ACVR1: variants seen among roughly 807,000 people sequenced by gnomAD.
The protein encoded by ACVR1 is activin A receptor type 1, also known as activin receptor type-1.
In ACVR1, 38 loss-of-function variants were observed where a neutral mutation model predicts 57.1. The observed-to-expected ratio is 0.67, with a 90% confidence interval of 0.51 to 0.87. The LOEUF is 0.87. ACVR1 is among the 40% of genes least tolerant of loss of function. The probability of loss-of-function intolerance (pLI) is 0.00; values close to 1 mark genes in which losing one functional copy is unlikely to be tolerated. For synonymous variants in ACVR1, 212 were observed against 228.1 expected, an observed-to-expected ratio of 0.93 and a Z score of 0.63; for missense variants, 463 against 638.2, an observed-to-expected ratio of 0.73 and a Z score of 2.96.
rs1316147198 is a variant in ACVR1 at position 157,863,822 on chromosome 2, T to C, written c.-183+11974A>G. On this transcript the variant is annotated intron_variant, in intron 1 of 10. Coordinates refer to ENST00000434821, the MANE Select transcript of ACVR1 (RefSeq NM_001111067.4). ...TTAACAACCCAAATTCCAAGTCTTTTAACTTGGAATCCAAATACATTGCTT... is the reference window on the plus strand; with the variant it reads ...TTAACAACCCAAATTCCAAGTCTTTCAACTTGGAATCCAAATACATTGCTT... Among the ~76,000 whole-genome samples the C allele has an allele frequency of 2.0e-5, 3 of 152,178 alleles. No homozygotes were observed. The South Asian group carries it at 6.2e-4, about 32-fold the overall frequency.
intron 1 of ACVR1, among the ~76,000 whole-genome samples, chr2:157,868,504 G>C (rs1690017423): frequency 6.6e-6 from 1 of 150,524 alleles, no homozygotes; most frequent in East Asian, 1.9e-4. Flanking sequence ...AAAAAAATCT[G>C]CAACTATCTT....
intron 9 of ACVR1, among the ~76,000 whole-genome samples, chr2:157,758,452 A>C (rs537297262): frequency 6.6e-6 from 1 of 152,172 alleles, no homozygotes; most frequent in South Asian, 2.1e-4. Flanking sequence ...CATGCAGTTC[A>C]CACCTGTGAT....
intron 2 of ACVR1, among the ~76,000 whole-genome samples, chr2:157,811,296 G>A (rs534832749): frequency 7.2e-5 from 11 of 152,168 alleles, no homozygotes; most frequent in South Asian, 2.1e-4. Context: ...TCTTAGACTC[G>A]GGAACCACTG....
chr2:157,742,293 A>G (rs1684804298), intron 9 of ACVR1, among the ~76,000 whole-genome samples: 1 of 152,220 alleles, frequency 6.6e-6, no homozygotes, highest in Non-Finnish European at 1.5e-5. Context: ...AATTCAGGCA[A>G]GTAACTAAAA....
intron 1 of ACVR1, among the ~76,000 whole-genome samples, chr2:157,835,100 G>C (rs189892612): frequency 6.6e-6 from 1 of 152,252 alleles, no homozygotes; most frequent in Non-Finnish European, 1.5e-5. Context: ...GACTAAAAAT[G>C]CAACTAAAAC....
At position 157,847,552 on chromosome 2, in the gene ACVR1, C is replaced by G. The variant is rs10172332; in HGVS notation, c.-183+28244G>C. ...ATTTTCTATTTAACCACTGTTAAGT[C>G]CCAACCCATCTGGGTGTCAGATGTG... On this transcript the variant is annotated intron_variant, in intron 1 of 10. Coordinates refer to ENST00000434821, the MANE Select transcript of ACVR1 (RefSeq NM_001111067.4). 6.1e-3 allele frequency among the ~76,000 whole-genome samples: 924 copies of G among 152,216 alleles called. 10 individuals carry two copies. Among genetic ancestry groups the G allele is most frequent in the African/African-American group, 0.021 (867 of 41,528 alleles).
chr2:157,818,252 T>C (rs371363654), intron 2 of ACVR1, 133 bp downstream of exon 2: 1 of 152,222 alleles, frequency 6.6e-6, no homozygotes, highest in Non-Finnish European at 1.5e-5. Context: ...AATAATCATT[T>C]GTGGCAAAGA....
chr2:157,803,964 A>T (rs951337155), intron 2 of ACVR1, among the ~76,000 whole-genome samples: 4 of 152,118 alleles, frequency 2.6e-5, no homozygotes, highest in Admixed American at 6.6e-5. Flanking sequence ...ATGTTATGAG[A>T]AAAGTGGCAT....
chr2:157,737,715 G>A (rs1176264031), intron 10 of ACVR1, 50 bp from the exon 11 acceptor site: 1 of 1,612,132 alleles, frequency 6.2e-7, no homozygotes, highest in South Asian at 1.1e-5. Context: ...CTTTTTAATG[G>A]CCCTGGAAGC....
At chr2:157,756,007 C>T (rs1422905118) in intron 9 of ACVR1, among the ~76,000 whole-genome samples, 1 of 151,722 alleles carries the variant, frequency 6.6e-6, no homozygotes, top group African/African-American at 2.4e-5. Context: ...CAGAAATAAA[C>T]CCAAATACTT....
At chr2:157,857,255 G>A (rs887450948) in intron 1 of ACVR1, among the ~76,000 whole-genome samples, 1 of 152,036 alleles carries the variant, frequency 6.6e-6, no homozygotes, top group African/African-American at 2.4e-5. Context: ...GGGACTCTGT[G>A]ATACAAAGGT....
intron 2 of ACVR1, among the ~76,000 whole-genome samples, chr2:157,810,424 A>C (rs1687711438): frequency 6.6e-6 from 1 of 152,174 alleles, no homozygotes; most frequent in Non-Finnish European, 1.5e-5. Context: ...CTTCTTTCTC[A>C]AGGATGGGCC....
chr2:157,785,688 AGTT>A (rs1456344765), intron 3 of ACVR1, among the ~76,000 whole-genome samples: 2 of 152,180 alleles, frequency 1.3e-5, no homozygotes, highest in African/African-American at 4.8e-5. Flanking sequence ...ACTGACACCT[AGTT>A]GTTGTAAAGC....
chr2:157,770,541 C>A, intron 6 of ACVR1, 27 bp from the exon 7 acceptor site: 1 of 1,613,750 alleles, frequency 6.2e-7, no homozygotes, highest in Non-Finnish European at 8.5e-7. Flanking sequence ...ATAGGTGACA[C>A]AGAACAGTAG....
In ACVR1 at chr2:157,736,611, A is replaced by G. The variant is rs1684541485; in HGVS notation, c.*920T>C. ...AGCGTTCAGGACTAAAATTCTACTG[A>G]AATCTTTGCTTCTAAATCAGTAATA... On this transcript the variant is annotated 3_prime_UTR_variant, in exon 11 of 11. Coordinates refer to ENST00000434821, the MANE Select transcript of ACVR1 (RefSeq NM_001111067.4). 6.5e-6 allele frequency: 2 copies of G among 309,396 alleles called. No homozygotes were observed. The highest frequency in any genetic ancestry group is 4.3e-5 in the African/African-American group (2 of 46,976). The allele number at this position is 309,396 out of a possible 1,614,324, so 19.2% of individuals were successfully genotyped here. A position where few individuals can be genotyped will look rare whatever the true frequency, so the allele number is the denominator to read the frequency against.
At chr2:157,760,601 T>G (rs1185937809) in intron 9 of ACVR1, among the ~76,000 whole-genome samples, 2 of 152,132 alleles carry the variant, frequency 1.3e-5, no homozygotes, top group Non-Finnish European at 2.9e-5. Flanking sequence ...TTTAAAAATT[T>G]AAAAGAAAAG....
intron 1 of ACVR1, among the ~76,000 whole-genome samples, chr2:157,826,283 T>G (rs1401952653): frequency 6.6e-6 from 1 of 152,196 alleles, no homozygotes; most frequent in Non-Finnish European, 1.5e-5. Context: ...CTCTGTGTAT[T>G]CAATGTGCTG....
chr2:157,856,169 G>C (rs925821772), intron 1 of ACVR1, among the ~76,000 whole-genome samples: 7 of 152,044 alleles, frequency 4.6e-5, no homozygotes, highest in African/African-American at 1.7e-4. Context: ...CTTTTTTCCT[G>C]TGGCTATAAT....
chr2:157,835,419 C>A (rs778745235), intron 1 of ACVR1, among the ~76,000 whole-genome samples: 1 of 152,136 alleles, frequency 6.6e-6, no homozygotes, highest in Non-Finnish European at 1.5e-5. Context: ...GATATAAGCA[C>A]CATTAAAGGG....
Sources: gnomAD v4.1 joint callset for allele counts (sites outside exome capture counted in the v4.1 genomes callset) on GRCh38, gnomAD v4.1.1 for gene constraint, MANE v1.5 for transcripts, NCBI Gene and HGNC (gene_info 2026-07-23, HGNC 2026-07-21) for gene names.